DAB1: variants seen among roughly 807,000 people sequenced by gnomAD.
The protein encoded by DAB1 is disabled homolog 1.
DAB1 carries 15 observed loss-of-function variants against 64.6 expected under a neutral mutation model. That is an observed-to-expected ratio of 0.23 (90% CI 0.16 to 0.36). The LOEUF (loss-of-function observed/expected upper bound fraction) is 0.36, where lower values mean the gene tolerates loss of function less well. Among genes scored for constraint, DAB1 ranks in the 10% least tolerant of loss-of-function variants. DAB1 has a pLI of 1.00. For missense variants in DAB1, 596 were observed against 706.7 expected (o/e 0.84, Z 1.78); for synonymous variants, 235 against 251.9 (o/e 0.93, Z 0.64).
At chr1:57,151,895 C>A (rs1659707826) in intron 2 of DAB1, among the ~76,000 whole-genome samples, 1 of 147,818 alleles carries the variant, frequency 6.8e-6, no homozygotes, top group African/African-American at 2.5e-5. Context: ...CTCACTGCAA[C>A]CTCCACCTCC....
intron 2 of DAB1, among the ~76,000 whole-genome samples, chr1:57,205,954 C>T (rs1158615428): frequency 6.6e-6 from 1 of 152,214 alleles, no homozygotes; most frequent in Non-Finnish European, 1.5e-5. Context: ...CTTTTTAATG[C>T]TCTCTCCAAC....
intron 1 of DAB1, among the ~76,000 whole-genome samples, chr1:57,387,635 G>T (rs1681985174): frequency 6.6e-6 from 1 of 151,918 alleles, no homozygotes; most frequent in Non-Finnish European, 1.5e-5. Flanking sequence ...TAGCTTGACC[G>T]ATGTGGTGAA....
chr1:57,103,607 G>A (rs1367478365), intron 4 of DAB1, among the ~76,000 whole-genome samples: 1 of 151,992 alleles, frequency 6.6e-6, no homozygotes. Flanking sequence ...GCATGCTGGG[G>A]AGGAGAGAGT....
chr1:58,348,148 C>G (rs1208269597), intron 3 of DAB1, among the ~76,000 whole-genome samples: 1 of 152,078 alleles, frequency 6.6e-6, no homozygotes, highest in Non-Finnish European at 1.5e-5. Flanking sequence ...TTGAACCAAC[C>G]AACATGGGAC....
chr1:58,533,868 T>G (rs1250268476), intron 1 of DAB1: 1 of 780,134 alleles, frequency 1.3e-6, no homozygotes. Context: ...TTAAAAAACC[T>G]GAAAAAAATC....
chr1:57,466,937 T>C lies in DAB1; in HGVS notation n.626-175771A>G, dbSNP rs1238457727. On this transcript the variant is annotated intron_variant and non_coding_transcript_variant, in intron 7 of 20. Coordinates refer to the DAB1 transcript ENST00000485760. ...TTCTGCCACAAGCCAGGGAAAATTCTGTGTTTAAAAGGCTTGTGTGATTAG... is the reference window on the plus strand; with the variant it reads ...TTCTGCCACAAGCCAGGGAAAATTCCGTGTTTAAAAGGCTTGTGTGATTAG... 2.0e-5 allele frequency among the ~76,000 whole-genome samples: 3 copies of C among 152,246 alleles called. No homozygotes were observed. In the East Asian group the frequency reaches 5.8e-4, roughly 29 times the overall value.
chr1:57,066,570 A>T (rs1370606780), intron 8 of DAB1, among the ~76,000 whole-genome samples: 1 of 152,190 alleles, frequency 6.6e-6, no homozygotes, highest in Non-Finnish European at 1.5e-5. Context: ...TGGAGTTATA[A>T]ATAGGAAAGT....
rs192975069 is a variant in DAB1 at position 58,518,151 on chromosome 1, A to G, written n.107+9110T>C. ...CTGTGAGCTGAGATCGCGCCATTGC[A>G]CTCCAGCCTGGGCAACAAAAGTGAA... On this transcript the variant is annotated intron_variant and non_coding_transcript_variant, in intron 2 of 20. Coordinates refer to the DAB1 transcript ENST00000485760. Among the ~76,000 whole-genome samples, 28 of 143,300 alleles carry G rather than the reference A, an allele frequency of 2.0e-4. No homozygotes were observed. In the East Asian group the frequency reaches 4.4e-3, roughly 23 times the overall value. 94.0% of individuals were successfully genotyped at this position (143,300 alleles called of 152,430 possible). A position where few individuals can be genotyped will look rare whatever the true frequency, so the allele number is the denominator to read the frequency against.
intron 6 of DAB1, among the ~76,000 whole-genome samples, chr1:57,720,442 A>G (rs980668672): frequency 1.3e-5 from 2 of 152,234 alleles, no homozygotes; most frequent in Admixed American, 6.5e-5. Flanking sequence ...GCCAATAACA[A>G]TAACAGGGAA....
At chr1:57,519,521 C>G (rs1644501024) in intron 7 of DAB1, among the ~76,000 whole-genome samples, 1 of 152,056 alleles carries the variant, frequency 6.6e-6, no homozygotes, top group Admixed American at 6.5e-5. Context: ...TGAAAGAGTC[C>G]CCTGGACATG....
chr1:57,633,861 G>A (rs1345601864), intron 7 of DAB1, among the ~76,000 whole-genome samples: 5 of 152,200 alleles, frequency 3.3e-5, no homozygotes, highest in Admixed American at 6.5e-5. Context: ...GACCTAACCT[G>A]GGAGTGACTG....
At chr1:57,301,074 G>A (rs1673607450) in intron 1 of DAB1, among the ~76,000 whole-genome samples, 1 of 151,612 alleles carries the variant, frequency 6.6e-6, no homozygotes, top group African/African-American at 2.4e-5. Context: ...TTCCAAAGAG[G>A]TCCTAGATAA....
At chr1:57,416,454 GT>G (rs1205754422) in intron 1 of DAB1, among the ~76,000 whole-genome samples, 1 of 152,074 alleles carries the variant, frequency 6.6e-6, no homozygotes, top group Non-Finnish European at 1.5e-5. Context: ...GATGAAAGCA[GT>G]TTTATTTATA....
At chr1:57,510,193 C>G (rs527976114) in intron 7 of DAB1, among the ~76,000 whole-genome samples, 3 of 152,192 alleles carry the variant, frequency 2.0e-5, no homozygotes, top group African/African-American at 7.2e-5. Context: ...GGCTTCCACG[C>G]CTCTCCCAAG....
intron 7 of DAB1, among the ~76,000 whole-genome samples, chr1:57,444,490 T>C (rs1277817103): frequency 6.6e-6 from 1 of 152,204 alleles, no homozygotes; most frequent in African/African-American, 2.4e-5. Context: ...ATATATTGAC[T>C]ATGTCCTAAT....
At chr1:57,318,120 A>G (rs1377296226) in intron 1 of DAB1, among the ~76,000 whole-genome samples, 1 of 148,056 alleles carries the variant, frequency 6.8e-6, no homozygotes, top group South Asian at 2.2e-4. Context: ...CTTTGTCTCC[A>G]GCAAGATGCT....
intron 7 of DAB1, among the ~76,000 whole-genome samples, chr1:57,484,289 G>T (rs1400737273): frequency 6.6e-6 from 1 of 152,108 alleles, no homozygotes; most frequent in Non-Finnish European, 1.5e-5. Flanking sequence ...AGTGTTACTG[G>T]AATTTTTTGA....
intron 3 of DAB1, among the ~76,000 whole-genome samples, chr1:58,449,070 G>A (rs1030732489): frequency 6.6e-6 from 1 of 152,192 alleles, no homozygotes; most frequent in African/African-American, 2.4e-5. Context: ...GAATATGAGT[G>A]GAATACACTT....
chr1:57,643,022 A>G (rs7554847), intron 7 of DAB1, among the ~76,000 whole-genome samples: 45,595 of 151,978 alleles, frequency 0.3, 7,095 homozygotes, highest in Admixed American at 0.36. Context: ...ATGGGGGAAC[A>G]GCCAGCTATT....
Sources: gnomAD v4.1 joint callset for allele counts (sites outside exome capture counted in the v4.1 genomes callset) on GRCh38, gnomAD v4.1.1 for gene constraint, MANE v1.5 for transcripts, NCBI Gene and HGNC (gene_info 2026-07-23, HGNC 2026-07-21) for gene names.